Variants in LRP1B observed in about 807,000 individuals in gnomAD.
The protein encoded by LRP1B is low-density lipoprotein receptor-related protein 1B.
LRP1B carries 217 observed loss-of-function variants against 556.6 expected under a neutral mutation model. The ratio of observed to expected loss-of-function variants is 0.39; its 90% confidence interval spans 0.35 to 0.44. The LOEUF is 0.44. Ranked by LOEUF, LRP1B falls within the 20% of genes least tolerant of loss-of-function variation. The pLI is 1.00. For synonymous variants in LRP1B, 2,047 were observed against 1,865.8 expected (o/e 1.10, Z -2.50); for missense variants, 5,053 against 5,620.8 (o/e 0.90, Z 3.23).
At position 140,864,739 on chromosome 2, in the gene LRP1B, A is replaced by T. The variant is rs187837608; in HGVS notation, c.4579+2851T>A. Among the ~76,000 whole-genome samples the T allele has an allele frequency of 1.7e-3, 253 of 152,166 alleles. 1 individual carries two copies. The highest frequency in any genetic ancestry group is 3.4e-3 in the Middle Eastern group (1 of 294). Reference sequence around the variant, plus strand: ...ATAGTTAGATTAGATGGCTTCGTGAATTATATATTTTTAACTTAAAGAAAA... The same window carrying T: ...ATAGTTAGATTAGATGGCTTCGTGATTTATATATTTTTAACTTAAAGAAAA... On this transcript the variant is annotated intron_variant, in intron 27 of 90. Coordinates refer to ENST00000389484, the MANE Select transcript of LRP1B (RefSeq NM_018557.3).
intron 1 of LRP1B, among the ~76,000 whole-genome samples, chr2:142,082,975 G>A (rs1488804704): frequency 6.6e-6 from 1 of 152,062 alleles, no homozygotes; most frequent in Admixed American, 6.6e-5. Flanking sequence ...TTTTAACAAG[G>A]AATTCTAAAT....
chr2:140,725,383 T>C (rs1687556927), intron 35 of LRP1B, among the ~76,000 whole-genome samples: 1 of 151,994 alleles, frequency 6.6e-6, no homozygotes, highest in African/African-American at 2.4e-5. Flanking sequence ...ATAAAATCAC[T>C]CATATAAACA....
intron 10 of LRP1B, among the ~76,000 whole-genome samples, chr2:141,054,339 T>G (rs553306494): frequency 6.6e-6 from 1 of 152,050 alleles, no homozygotes; most frequent in South Asian, 2.1e-4. Context: ...AATAATGGTG[T>G]TTGGGGAACA....
chr2:142,065,432 T>C (rs1222201991), intron 1 of LRP1B, among the ~76,000 whole-genome samples: 1 of 151,058 alleles, frequency 6.6e-6, no homozygotes, highest in Non-Finnish European at 1.5e-5. Context: ...TTGGCCTCAT[T>C]CTGATCTTTT....
chr2:141,971,801 A>T (rs750351244), intron 1 of LRP1B, among the ~76,000 whole-genome samples: 4 of 151,300 alleles, frequency 2.6e-5, no homozygotes, highest in Non-Finnish European at 5.9e-5. Flanking sequence ...CCCTTCTAAA[A>T]TTTTTTTATT....
chr2:141,567,655 CTAAG>C (rs1415777582), intron 2 of LRP1B, among the ~76,000 whole-genome samples: 1 of 151,860 alleles, frequency 6.6e-6, no homozygotes, highest in African/African-American at 2.4e-5. Context: ...AAGAGACTCT[CTAAG>C]TGTTTAGAAT....
chr2:142,047,284 T>G (rs752294243), intron 1 of LRP1B, among the ~76,000 whole-genome samples: 2 of 151,984 alleles, frequency 1.3e-5, no homozygotes, highest in Non-Finnish European at 2.9e-5. Context: ...TACCACTGTT[T>G]AAACAAACTG....
chr2:141,237,473 C>T (rs1683691706), intron 5 of LRP1B, among the ~76,000 whole-genome samples: 1 of 151,476 alleles, frequency 6.6e-6, no homozygotes. Flanking sequence ...CCCAAAGTGC[C>T]AGGACTATAG....
At chr2:142,026,872 T>A (rs1164234219) in intron 1 of LRP1B, among the ~76,000 whole-genome samples, 1 of 152,090 alleles carries the variant, frequency 6.6e-6, no homozygotes, top group East Asian at 1.9e-4. Context: ...TTTTCATATC[T>A]TCTCATGGTA....
At chr2:140,380,905 T>C (rs980144684) in intron 67 of LRP1B, among the ~76,000 whole-genome samples, 1 of 152,162 alleles carries the variant, frequency 6.6e-6, no homozygotes, top group Non-Finnish European at 1.5e-5. Context: ...ATTATTCTGC[T>C]TCAAAATGGC....
chr2:141,891,073 C>A (rs1173609578), intron 1 of LRP1B, among the ~76,000 whole-genome samples: 6 of 152,086 alleles, frequency 3.9e-5, no homozygotes, highest in East Asian at 1.9e-4. Flanking sequence ...TGAGATCTAA[C>A]CTTCTCCACT....
chr2:140,758,416 C>A (rs575110425), intron 35 of LRP1B, among the ~76,000 whole-genome samples: 3 of 151,940 alleles, frequency 2.0e-5, no homozygotes, highest in East Asian at 3.9e-4. Context: ...ATTTTTATTT[C>A]AACTTTCTTT....
At chr2:141,375,880 G>T (rs374821481) in intron 3 of LRP1B, among the ~76,000 whole-genome samples, 3 of 152,140 alleles carry the variant, frequency 2.0e-5, no homozygotes, top group African/African-American at 7.2e-5. Context: ...TACCTTGGCT[G>T]ATCAGTGACT....
At chr2:140,808,819 C>T (rs989222708) in intron 32 of LRP1B, among the ~76,000 whole-genome samples, 10 of 152,186 alleles carry the variant, frequency 6.6e-5, no homozygotes, top group African/African-American at 1.4e-4. Flanking sequence ...ATAGTTACAC[C>T]TGACATTAGT....
At chr2:141,794,348 A>C (rs184188581) in intron 2 of LRP1B, among the ~76,000 whole-genome samples, 97 of 152,002 alleles carry the variant, frequency 6.4e-4, no homozygotes, top group African/African-American at 2.3e-3. Context: ...ATTTTGTAAA[A>C]CCTAAATCCC....
Position 141,062,385 on chromosome 2 carries a change from T to C in LRP1B, c.1014-112A>G, listed in dbSNP as rs1383092295. Reference sequence around the variant, plus strand: ...CTTCTAATTTATTTCAGTGATTACATCTGTTGGCTTCATATAACCATTTCC... The same window carrying C: ...CTTCTAATTTATTTCAGTGATTACACCTGTTGGCTTCATATAACCATTTCC... On this transcript the variant is annotated intron_variant, in intron 7 of 90. Transcript: ENST00000389484. 5 of 644,868 alleles carry C rather than the reference T, an allele frequency of 7.8e-6. No individual in the cohort carries two copies. The African/African-American group carries it at 9.2e-5, about 12-fold the overall frequency. The allele number at this position is 644,868 out of a possible 1,614,324, so 39.9% of individuals were successfully genotyped here.
rs578254086 is a variant in LRP1B at position 141,303,926 on chromosome 2, A to G, written c.344-49285T>C. Among the ~76,000 whole-genome samples, 3 of 152,142 alleles carry G rather than the reference A, an allele frequency of 2.0e-5. No homozygotes were observed. In the South Asian group the frequency reaches 6.2e-4, roughly 32 times the overall value. Reference sequence around the variant, plus strand: ...CTCCACATGCTTACCAACATCTTTTATTATTTGTCTTTTTAATAATAACCA... The same window carrying G: ...CTCCACATGCTTACCAACATCTTTTGTTATTTGTCTTTTTAATAATAACCA... On this transcript the variant is annotated intron_variant, in intron 3 of 90. Transcript: ENST00000389484.
At chr2:141,648,804 A>G (rs1689677299) in intron 2 of LRP1B, among the ~76,000 whole-genome samples, 1 of 152,208 alleles carries the variant, frequency 6.6e-6, no homozygotes, top group African/African-American at 2.4e-5. Context: ...AAAATTGCCA[A>G]AGCCTTCGAG....
At chr2:141,013,466 T>C in intron 14 of LRP1B, 90 bp downstream of exon 14, 1 of 1,039,460 alleles carries the variant, frequency 9.6e-7, no homozygotes, top group Non-Finnish European at 1.4e-6. Flanking sequence ...CATAAAACTT[T>C]AGCAACACTG....
Sources: gnomAD v4.1 joint callset for allele counts (sites outside exome capture counted in the v4.1 genomes callset) on GRCh38, gnomAD v4.1.1 for gene constraint, MANE v1.5 for transcripts, NCBI Gene and HGNC (gene_info 2026-07-23, HGNC 2026-07-21) for gene names.